The following OPCML variants were observed in gnomAD, a reference collection of about 807,000 sequenced individuals.
OPCML encodes opioid-binding protein/cell adhesion molecule.
In OPCML, 13 loss-of-function variants were observed where a neutral mutation model predicts 37.8. That is an observed-to-expected ratio of 0.34 (90% CI 0.22 to 0.55). OPCML has a LOEUF of 0.55. Among genes scored for constraint, OPCML ranks in the 20% least tolerant of loss-of-function variants. OPCML has a pLI of 0.91. For missense variants in OPCML, 341 were observed against 435.6 expected (o/e 0.78, Z 1.93); for synonymous variants, 176 against 168.8 (o/e 1.04, Z -0.33).
At chr11:133,103,626 C>T (rs1949117083) in intron 1 of OPCML, among the ~76,000 whole-genome samples, 1 of 152,190 alleles carries the variant, frequency 6.6e-6, no homozygotes, top group Admixed American at 6.5e-5. Flanking sequence ...TTGTATCACA[C>T]AGTGTTTCTT....
intron 2 of OPCML, chr11:132,773,060 G>A (rs1334157505): frequency 6.6e-6 from 1 of 152,190 alleles, no homozygotes; most frequent in Non-Finnish European, 1.5e-5. Flanking sequence ...GGCAGGGAGG[G>A]GCAGAGACCT....
At chr11:132,951,001 G>C (rs1356060058) in intron 1 of OPCML, among the ~76,000 whole-genome samples, 1 of 152,200 alleles carries the variant, frequency 6.6e-6, no homozygotes, top group Non-Finnish European at 1.5e-5. Flanking sequence ...ATCACCTGCT[G>C]TGATCTAGGT....
At chr11:133,460,367 A>G (rs1005093258) in intron 1 of OPCML, among the ~76,000 whole-genome samples, 1 of 151,916 alleles carries the variant, frequency 6.6e-6, no homozygotes, top group Non-Finnish European at 1.5e-5. Context: ...AATAAAGATT[A>G]AAGACAAATA....
chr11:132,886,588 G>A (rs1264584665), intron 2 of OPCML, among the ~76,000 whole-genome samples: 1 of 152,254 alleles, frequency 6.6e-6, no homozygotes, highest in Non-Finnish European at 1.5e-5. Context: ...CTAGGCCAAA[G>A]CTGCCTGGCC....
chr11:132,713,936 T>C (rs1392178500), intron 2 of OPCML, among the ~76,000 whole-genome samples: 2 of 152,236 alleles, frequency 1.3e-5, no homozygotes, highest in African/African-American at 2.4e-5. Context: ...AAAATTATCA[T>C]TAAAGTGTTA....
chr11:132,986,313 T>C lies in OPCML; in HGVS notation c.62-43303A>G, dbSNP rs558735514. 2.0e-5 allele frequency among the ~76,000 whole-genome samples: 3 copies of C among 152,230 alleles called. No individual in the cohort carries two copies. In the East Asian group the frequency reaches 5.8e-4, roughly 29 times the overall value. ...TTTTACTAAAAACTACCTCAAGTAG[T>C]TTTTAGTAAAAAGTAAACAATCTGG... On this transcript the variant is annotated intron_variant, in intron 1 of 7. Coordinates refer to ENST00000524381, the MANE Select transcript of OPCML (RefSeq NM_001012393.5).
chr11:133,030,253 A>G (rs1403837578), intron 1 of OPCML, among the ~76,000 whole-genome samples: 1 of 152,240 alleles, frequency 6.6e-6, no homozygotes, highest in Non-Finnish European at 1.5e-5. Context: ...GCAAAGCTGA[A>G]TCCCGAAACT....
At chr11:133,404,247 G>C (rs10732871) in intron 1 of OPCML, among the ~76,000 whole-genome samples, 111,987 of 152,198 alleles carry the variant, frequency 0.74, 41,740 homozygotes, top group East Asian at 1. Flanking sequence ...ACTGGATAAG[G>C]GTCCTCCCTA....
intron 1 of OPCML, among the ~76,000 whole-genome samples, chr11:133,367,393 C>A (rs2136740805): frequency 6.6e-6 from 1 of 152,288 alleles, no homozygotes; most frequent in East Asian, 1.9e-4. Flanking sequence ...AGACTGAGGG[C>A]AGAAATGGTT....
At chr11:133,042,466 A>G (rs894764469) in intron 1 of OPCML, among the ~76,000 whole-genome samples, 12 of 152,190 alleles carry the variant, frequency 7.9e-5, no homozygotes, top group African/African-American at 2.9e-4. Context: ...AGAGAGGCAG[A>G]GCGGGACGCA....
In OPCML at chr11:133,025,986, T is replaced by A. The variant is rs374785192; in HGVS notation, c.62-82976A>T. ...CTGACCTCAGGTGATCCACCCACCT[T>A]GGCCACCAAAGGTGCTGGGATTACA... On this transcript the variant is annotated intron_variant, in intron 1 of 7. Coordinates refer to ENST00000524381, the MANE Select transcript of OPCML (RefSeq NM_001012393.5). 5.8e-5 allele frequency: 49 copies of A among 843,134 alleles called. No individual in the cohort carries two copies. The African/African-American group carries it at 7.0e-4, about 12-fold the overall frequency. 52.2% of individuals were successfully genotyped at this position (843,134 alleles called of 1,614,324 possible).
At chr11:132,762,701 C>T (rs894848655) in intron 2 of OPCML, among the ~76,000 whole-genome samples, 3 of 152,178 alleles carry the variant, frequency 2.0e-5, no homozygotes, top group Admixed American at 6.5e-5. Context: ...CTTCAGACTA[C>T]TGTGCTGGCA....
intron 4 of OPCML, among the ~76,000 whole-genome samples, chr11:132,457,078 GGAGCTGAGACCC>G (rs1247101545): frequency 6.6e-6 from 1 of 152,158 alleles, no homozygotes; most frequent in Non-Finnish European, 1.5e-5. Flanking sequence ...GTTTCTGGGA[GGAGCTGAGACCC>G]GAGCTGAGAC....
intron 2 of OPCML, among the ~76,000 whole-genome samples, chr11:132,756,406 T>C (rs1946046681): frequency 6.6e-6 from 1 of 152,150 alleles, no homozygotes; most frequent in Non-Finnish European, 1.5e-5. Flanking sequence ...CAGAGACATA[T>C]GATGAGCATG....
At position 132,528,973 on chromosome 11, in the gene OPCML, G is replaced by A. The variant is rs1407383350; in HGVS notation, c.505+88C>T. The A allele has an allele frequency of 4.2e-6, 3 of 706,880 alleles. No homozygotes were observed. The South Asian group carries it at 7.1e-5, about 17-fold the overall frequency. 43.8% of individuals were successfully genotyped at this position (706,880 alleles called of 1,614,324 possible). ...ATTTTCTATGACTGGATTACAAAAT[G>A]TTTTCTGATTCCTGAAGCTCTGTTG... On this transcript the variant is annotated intron_variant, in intron 4 of 7. Transcript: ENST00000524381.
intron 1 of OPCML, among the ~76,000 whole-genome samples, chr11:133,002,351 A>T (rs1024019536): frequency 2.0e-4 from 30 of 152,184 alleles, no homozygotes; most frequent in Admixed American, 1.5e-3. Flanking sequence ...GACAGAAAGC[A>T]CCTTGCTCAG....
chr11:132,893,486 G>A (rs1943729336), intron 2 of OPCML, among the ~76,000 whole-genome samples: 1 of 152,006 alleles, frequency 6.6e-6, no homozygotes. Context: ...TAGTCTCCTT[G>A]TAGTTAGTTC....
intron 1 of OPCML, among the ~76,000 whole-genome samples, chr11:133,036,023 C>G: frequency 6.6e-6 from 1 of 152,170 alleles, no homozygotes; most frequent in East Asian, 1.9e-4. Flanking sequence ...TCCTGTATTA[C>G]TTTGTTAAGG....
intron 2 of OPCML, among the ~76,000 whole-genome samples, chr11:132,800,322 A>G (rs1354385222): frequency 6.6e-6 from 1 of 152,130 alleles, no homozygotes; most frequent in African/African-American, 2.4e-5. Flanking sequence ...ATTACTTAGG[A>G]TTTTCTATAT....
Sources: gnomAD v4.1 joint callset for allele counts (sites outside exome capture counted in the v4.1 genomes callset) on GRCh38, gnomAD v4.1.1 for gene constraint, MANE v1.5 for transcripts, NCBI Gene and HGNC (gene_info 2026-07-23, HGNC 2026-07-21) for gene names.